Variants in WWC1 observed in about 807,000 individuals in gnomAD.
WWC1 encodes protein KIBRA.
A neutral mutation model predicts 138.4 loss-of-function variants in WWC1; 55 were observed. The observed-to-expected ratio is 0.40, with a 90% CI of 0.32 to 0.50. The LOEUF (loss-of-function observed/expected upper bound fraction) is 0.50, where lower values mean the gene tolerates loss of function less well. Ranked by LOEUF, WWC1 falls within the 20% of genes least tolerant of loss-of-function variation. The pLI is 0.72. For synonymous variants in WWC1, 524 were observed against 564.9 expected (o/e 0.93, Z 1.03); for missense variants, 1,226 against 1,420.4 (o/e 0.86, Z 2.20).
chr5:168,403,079 T>TTTCTTTCTTTCTTTC lies in WWC1; in HGVS notation c.591-3117_591-3116insCTTTCTTTCTTTCTT. Among the ~76,000 whole-genome samples the TTTCTTTCTTTCTTTC allele has an allele frequency of 3.0e-4, 29 of 95,816 alleles. 1 individual carries two copies. The highest frequency in any genetic ancestry group is 8.7e-4 in the African/African-American group (21 of 24,204). 62.9% of individuals were successfully genotyped at this position (95,816 alleles called of 152,430 possible). The stretch of plus-strand genomic sequence containing the variant: ...CTTTCTTTCTTTCTTTCTTTCTTTC[T>TTTCTTTCTTTCTTTC]TTTCTTTCTTTTCTTTCTTTCTTTC... On this transcript the variant is annotated intron_variant, in intron 5 of 22. Transcript: ENST00000265293.
chr5:168,342,687 G>A (rs867412150), intron 1 of WWC1, among the ~76,000 whole-genome samples: 13 of 152,188 alleles, frequency 8.5e-5, no homozygotes, highest in Admixed American at 4.6e-4. Context: ...GTGTGGAGGA[G>A]GGGGTTCATG....
intron 1 of WWC1, among the ~76,000 whole-genome samples, chr5:168,299,466 C>A (rs1769863631): frequency 6.6e-6 from 1 of 152,188 alleles, no homozygotes; most frequent in African/African-American, 2.4e-5. Context: ...CAGAGGGACT[C>A]TTTGAAGGAT....
intron 9 of WWC1, among the ~76,000 whole-genome samples, chr5:168,419,523 AC>A (rs1460355035): frequency 1.3e-5 from 2 of 152,146 alleles, no homozygotes; most frequent in Non-Finnish European, 2.9e-5. Context: ...CCTAAAGATC[AC>A]CTGGGAGGCT....
chr5:168,318,158 A>G (rs1024946309), intron 1 of WWC1, among the ~76,000 whole-genome samples: 5 of 152,054 alleles, frequency 3.3e-5, no homozygotes, highest in Non-Finnish European at 1.5e-5. Flanking sequence ...ACAACACTTA[A>G]TCTGTTTGCA....
chr5:168,410,209 C>CACAAGACAGA (rs1453151624), intron 8 of WWC1: 1 of 540,010 alleles, frequency 1.9e-6, no homozygotes, highest in Non-Finnish European at 3.2e-6. Flanking sequence ...GAGAGTGAAA[C>CACAAGACAGA]TATGCTTTGA....
At chr5:168,354,342 C>T (rs1434846347) in intron 1 of WWC1, among the ~76,000 whole-genome samples, 2 of 152,136 alleles carry the variant, frequency 1.3e-5, no homozygotes, top group Non-Finnish European at 2.9e-5. Context: ...TGAGCCACCG[C>T]ACCCGGCCTG....
intron 13 of WWC1, among the ~76,000 whole-genome samples, chr5:168,429,510 T>C (rs2152858845): frequency 6.6e-6 from 1 of 152,238 alleles, no homozygotes; most frequent in South Asian, 2.1e-4. Flanking sequence ...CTGCCCGCCT[T>C]GGCCTCCCAA....
intron 1 of WWC1, among the ~76,000 whole-genome samples, chr5:168,366,802 CTTTTTT>C (rs202012790): frequency 2.0e-5 from 2 of 100,570 alleles, no homozygotes; most frequent in Non-Finnish European, 3.7e-5. Flanking sequence ...CTTTGAAACA[CTTTTTT>C]TTTTTTTTTT....
intron 1 of WWC1, among the ~76,000 whole-genome samples, chr5:168,317,828 G>C (rs533800582): frequency 5.9e-5 from 9 of 152,302 alleles, no homozygotes; most frequent in African/African-American, 2.2e-4. Flanking sequence ...TTTTCATTCA[G>C]AGTCACTGCC....
At chr5:168,424,190 T>G (rs1228383409) in intron 11 of WWC1, 122 bp downstream of exon 11, 2 of 1,247,300 alleles carry the variant, frequency 1.6e-6, no homozygotes, top group Admixed American at 6.0e-5. Flanking sequence ...GCTGGGTCTT[T>G]GTATGGCAAG....
chr5:168,368,691 G>A (rs1776510410), intron 1 of WWC1, among the ~76,000 whole-genome samples: 1 of 152,178 alleles, frequency 6.6e-6, no homozygotes, highest in Non-Finnish European at 1.5e-5. Flanking sequence ...CCCCTTTCAA[G>A]GCTTTGTTAG....
rs114478001 is a variant in WWC1 at position 168,440,476 on chromosome 5, G to T, written c.2281-1206G>T. Among the ~76,000 whole-genome samples the T allele has an allele frequency of 5.2e-3, 786 of 151,898 alleles. 6 individuals are homozygous for T. Among genetic ancestry groups the T allele is most frequent in the African/African-American group, 0.018 (761 of 41,232 alleles). On this transcript the variant is annotated intron_variant, in intron 15 of 22. Transcript: ENST00000265293. ...TGTACTTCTGGGCATATATTCAGGA[G>T]AATTGAAAGCAGGGTTTTGTTGTTG...
intron 21 of WWC1, 142 bp downstream of exon 21, chr5:168,465,104 C>T (rs1757148671): frequency 7.7e-7 from 1 of 1,294,568 alleles, no homozygotes. Context: ...TCCACCCATC[C>T]CTCGTTCCCA....
At chr5:168,313,357 G>T (rs543969026) in intron 1 of WWC1, among the ~76,000 whole-genome samples, 1 of 152,164 alleles carries the variant, frequency 6.6e-6, no homozygotes, top group South Asian at 2.1e-4. Context: ...TTGGGAGGCC[G>T]AGATGGGTGG....
At chr5:168,345,620 A>C (rs1312946793) in intron 1 of WWC1, among the ~76,000 whole-genome samples, 1 of 152,234 alleles carries the variant, frequency 6.6e-6, no homozygotes, top group Non-Finnish European at 1.5e-5. Context: ...GTCAGATGCT[A>C]AGACATCCAG....
At chr5:168,296,630 A>C (rs1769561317) in intron 1 of WWC1, among the ~76,000 whole-genome samples, 1 of 152,162 alleles carries the variant, frequency 6.6e-6, no homozygotes, top group Non-Finnish European at 1.5e-5. Flanking sequence ...TTGGGTATTT[A>C]CTATATTCAG....
intron 2 of WWC1, among the ~76,000 whole-genome samples, chr5:168,377,813 C>T (rs1046804473): frequency 2.0e-5 from 3 of 152,186 alleles, no homozygotes; most frequent in Admixed American, 2.0e-4. Context: ...GAAAAGAGAA[C>T]ACTTATATGC....
rs1390980718 is a variant in WWC1, at chr5:168,470,210, C to G, written c.*1193C>G. Reference sequence around the variant, plus strand: ...AATAGCAACAGCCACAAATCTCTTCCTCCTTCCTCTCTGACATTACCCTGT... The same window carrying G: ...AATAGCAACAGCCACAAATCTCTTCGTCCTTCCTCTCTGACATTACCCTGT... On this transcript the variant is annotated 3_prime_UTR_variant, in exon 23 of 23. Coordinates refer to ENST00000265293, the MANE Select transcript of WWC1 (RefSeq NM_015238.3). 1 of 152,268 alleles carries G rather than the reference C, an allele frequency of 6.6e-6. No individual in the cohort carries two copies. Among genetic ancestry groups the G allele is most frequent in the Non-Finnish European group, 1.5e-5 (1 of 68,106 alleles). The allele number at this position is 152,268 out of a possible 1,614,324, so 9.4% of individuals were successfully genotyped here.
chr5:168,301,340 A>C lies in WWC1; in HGVS notation c.119+9069A>C, dbSNP rs189982158. Among the ~76,000 whole-genome samples, 3 of 152,316 alleles carry C rather than the reference A, an allele frequency of 2.0e-5. No individual in the cohort carries two copies. The East Asian group carries it at 5.8e-4, about 29-fold the overall frequency. ...GAGTCAAGTCTGGCTTTGTCACTTT[A>C]AAATAGTAAGTGGGACTGGGTGCAG... On this transcript the variant is annotated intron_variant, in intron 1 of 22. Coordinates refer to ENST00000265293, the MANE Select transcript of WWC1 (RefSeq NM_015238.3).
Sources: gnomAD v4.1 joint callset for allele counts (sites outside exome capture counted in the v4.1 genomes callset) on GRCh38, gnomAD v4.1.1 for gene constraint, MANE v1.5 for transcripts, NCBI Gene and HGNC (gene_info 2026-07-23, HGNC 2026-07-21) for gene names.